The following DLG2 variants were observed in gnomAD, a reference collection of about 807,000 sequenced individuals.
DLG2 encodes the protein discs large MAGUK scaffold protein 2.
In DLG2, 45 loss-of-function variants were observed where a neutral mutation model predicts 132.5. The observed-to-expected ratio is 0.34, with a 90% CI of 0.27 to 0.44. The LOEUF (loss-of-function observed/expected upper bound fraction) is 0.44, where lower values mean the gene tolerates loss of function less well. Among genes scored for constraint, DLG2 ranks in the 20% least tolerant of loss-of-function variants. The pLI is 1.00. For synonymous variants in DLG2, 424 were observed against 419.6 expected, an observed-to-expected ratio of 1.01 and a Z score of -0.13; for missense variants, 1,045 against 1,196.9, an observed-to-expected ratio of 0.87 and a Z score of 1.87.
At chr11:83,926,344 G>A (rs2078977823) in intron 15 of DLG2, among the ~76,000 whole-genome samples, 1 of 152,120 alleles carries the variant, frequency 6.6e-6, no homozygotes, top group Non-Finnish European at 1.5e-5. Context: ...TCCAGAGCTA[G>A]TGCATATTCT....
intron 6 of DLG2, among the ~76,000 whole-genome samples, chr11:84,803,995 A>G (rs1200933102): frequency 1.2e-4 from 18 of 152,226 alleles, no homozygotes; most frequent in Admixed American, 1.2e-3. Flanking sequence ...GAATTAAATG[A>G]CATGATATAC....
At chr11:83,729,951 T>C (rs2090699710) in intron 18 of DLG2, among the ~76,000 whole-genome samples, 1 of 152,096 alleles carries the variant, frequency 6.6e-6, no homozygotes, top group African/African-American at 2.4e-5. Flanking sequence ...GTCACTTGTA[T>C]CAGAAAAGTA....
At chr11:84,008,490 G>A (rs1163452083) in intron 11 of DLG2, among the ~76,000 whole-genome samples, 1 of 151,868 alleles carries the variant, frequency 6.6e-6, no homozygotes, top group Non-Finnish European at 1.5e-5. Flanking sequence ...GACAGCTGTT[G>A]ACAGATGGAA....
chr11:83,754,562 A>G (rs955424839), intron 18 of DLG2, among the ~76,000 whole-genome samples: 1 of 151,434 alleles, frequency 6.6e-6, no homozygotes, highest in Admixed American at 6.6e-5. Flanking sequence ...TACTGACAGT[A>G]AATAAAATAG....
At chr11:84,579,221 G>GTA (rs1452631851) in intron 6 of DLG2, among the ~76,000 whole-genome samples, 1 of 151,572 alleles carries the variant, frequency 6.6e-6, no homozygotes, top group Non-Finnish European at 1.5e-5. Context: ...GTGTGTGTGT[G>GTA]TCTTTCTTTT....
At chr11:84,987,338 T>C (rs1442186336) in intron 6 of DLG2, among the ~76,000 whole-genome samples, 1 of 152,052 alleles carries the variant, frequency 6.6e-6, no homozygotes, top group Non-Finnish European at 1.5e-5. Flanking sequence ...CAAATGACCA[T>C]ACTGTCAAAA....
At chr11:83,634,322 G>C (rs2064231538) in intron 18 of DLG2, among the ~76,000 whole-genome samples, 1 of 152,070 alleles carries the variant, frequency 6.6e-6, no homozygotes. Context: ...GATAAAGAAA[G>C]AATCGGTTCT....
At chr11:85,529,463 C>T (rs61907151) in intron 3 of DLG2, among the ~76,000 whole-genome samples, 1 of 151,960 alleles carries the variant, frequency 6.6e-6, no homozygotes. Context: ...ATCTTGTTCA[C>T]TTGCTACAAG....
intron 18 of DLG2, among the ~76,000 whole-genome samples, chr11:83,658,612 T>A (rs2073391800): frequency 6.6e-6 from 1 of 152,248 alleles, no homozygotes. Context: ...TTAGTAAAAT[T>A]CACTTTTGCC....
At chr11:84,347,847 T>C (rs2098545908) in intron 7 of DLG2, among the ~76,000 whole-genome samples, 1 of 152,314 alleles carries the variant, frequency 6.6e-6, no homozygotes, top group South Asian at 2.1e-4. Context: ...ACATTGCTGC[T>C]TGTAGCCTAG....
intron 3 of DLG2, among the ~76,000 whole-genome samples, chr11:85,305,057 A>G (rs999828339): frequency 1.3e-5 from 2 of 152,204 alleles, no homozygotes; most frequent in Non-Finnish European, 2.9e-5. Context: ...TGATTGAATG[A>G]CCATGTATTG....
At chr11:83,566,295 G>A (rs751960742) in intron 19 of DLG2, among the ~76,000 whole-genome samples, 4 of 152,164 alleles carry the variant, frequency 2.6e-5, no homozygotes, top group Admixed American at 1.3e-4. Flanking sequence ...GCAACTTTAT[G>A]TTCTATCTGT....
intron 14 of DLG2, among the ~76,000 whole-genome samples, chr11:83,955,421 A>G (rs1380805537): frequency 6.6e-6 from 1 of 152,208 alleles, no homozygotes; most frequent in Admixed American, 6.5e-5. Context: ...TGACAGTGAC[A>G]GGAGGCAGCC....
At chr11:83,597,560 G>A (rs2057804315) in intron 19 of DLG2, among the ~76,000 whole-genome samples, 1 of 151,952 alleles carries the variant, frequency 6.6e-6, no homozygotes, top group African/African-American at 2.4e-5. Context: ...ATCCAGTCAT[G>A]GTAGTGTGTG....
At chr11:84,221,418 C>A in intron 8 of DLG2, among the ~76,000 whole-genome samples, 1 of 152,048 alleles carries the variant, frequency 6.6e-6, no homozygotes, top group East Asian at 1.9e-4. Flanking sequence ...GAGCTGAGAT[C>A]GCACCACTGC....
At position 84,165,380 on chromosome 11, in the gene DLG2, A is replaced by T. The variant is rs150469812; in HGVS notation, c.574-1869T>A. ...AAAACCTACGCTTAACATTTCTAGG[A>T]TCCTAAATGCTGACTCTTAGATTTT... On this transcript the variant is annotated intron_variant, in intron 8 of 27. Transcript: ENST00000376104. 1.6e-4 allele frequency among the ~76,000 whole-genome samples: 24 copies of T among 152,324 alleles called. No individual in the cohort carries two copies. The East Asian group carries it at 4.6e-3, about 29-fold the overall frequency.
At chr11:84,647,284 A>G (rs1213275538) in intron 6 of DLG2, among the ~76,000 whole-genome samples, 2 of 152,138 alleles carry the variant, frequency 1.3e-5, no homozygotes, top group African/African-American at 4.8e-5. Context: ...GTGTACATAT[A>G]TATAAATAAA....
intron 10 of DLG2, among the ~76,000 whole-genome samples, chr11:84,080,357 C>T (rs989674690): frequency 2.6e-5 from 4 of 152,220 alleles, no homozygotes; most frequent in African/African-American, 9.6e-5. Context: ...CCTTCCCTCA[C>T]TCCCCACATA....
intron 6 of DLG2, among the ~76,000 whole-genome samples, chr11:84,788,205 A>G (rs906342031): frequency 6.6e-6 from 1 of 152,038 alleles, no homozygotes; most frequent in African/African-American, 2.4e-5. Flanking sequence ...AAACAAAAAT[A>G]GTAAAACAAA....
Sources: gnomAD v4.1 joint callset for allele counts (sites outside exome capture counted in the v4.1 genomes callset) on GRCh38, gnomAD v4.1.1 for gene constraint, MANE v1.5 for transcripts, NCBI Gene and HGNC (gene_info 2026-07-23, HGNC 2026-07-21) for gene names.